KATNIP: variants seen among roughly 807,000 people sequenced by gnomAD.
KATNIP encodes katanin interacting protein, also known as katanin-interacting protein.
KATNIP carries 126 observed loss-of-function variants against 174.0 expected under a neutral mutation model. The observed-to-expected ratio is 0.72, with a 90% CI of 0.63 to 0.84. The LOEUF (loss-of-function observed/expected upper bound fraction) is 0.84, where lower values mean the gene tolerates loss of function less well. Ranked by LOEUF, KATNIP falls within the 40% of genes least tolerant of loss-of-function variation. The pLI is 0.00. For missense variants in KATNIP, 1,958 were observed against 2,109.7 expected, an observed-to-expected ratio of 0.93 and a Z score of 1.41; for synonymous variants, 810 against 835.7, an observed-to-expected ratio of 0.97 and a Z score of 0.53.
intron 2 of KATNIP, among the ~76,000 whole-genome samples, chr16:27,600,045 C>T (rs1261470798): frequency 6.6e-6 from 1 of 152,210 alleles, no homozygotes; most frequent in Non-Finnish European, 1.5e-5. Context: ...CCCCCGCCTC[C>T]CCCACCTTCC....
intron 15 of KATNIP, among the ~76,000 whole-genome samples, chr16:27,749,264 G>T (rs2081401219): frequency 6.6e-6 from 1 of 152,214 alleles, no homozygotes; most frequent in Non-Finnish European, 1.5e-5. Context: ...CCAGATTCTG[G>T]AATTGGGTGA....
chr16:27,710,023 G>A (rs1042351213), intron 13 of KATNIP, among the ~76,000 whole-genome samples: 19 of 152,108 alleles, frequency 1.2e-4, no homozygotes, highest in Non-Finnish European at 1.0e-4. Context: ...GCCCTAGGTC[G>A]TGAGGTGCAC....
At chr16:27,695,025 G>A (rs747873455) in intron 8 of KATNIP, among the ~76,000 whole-genome samples, 4 of 152,072 alleles carry the variant, frequency 2.6e-5, no homozygotes, top group African/African-American at 9.7e-5. Context: ...GCCATCACTC[G>A]TGGAGTCACC....
intron 6 of KATNIP, among the ~76,000 whole-genome samples, chr16:27,658,700 G>A (rs1459040328): frequency 6.6e-6 from 1 of 152,086 alleles, no homozygotes; most frequent in Non-Finnish European, 1.5e-5. Context: ...ACAGATGGAA[G>A]TACAGAAGCA....
At chr16:27,579,709 G>A (rs374223730) in intron 2 of KATNIP, among the ~76,000 whole-genome samples, 6 of 152,098 alleles carry the variant, frequency 3.9e-5, no homozygotes, top group South Asian at 2.1e-4. Context: ...CCATGATAAC[G>A]GAAGGCCGTT....
intron 7 of KATNIP, among the ~76,000 whole-genome samples, chr16:27,679,707 G>A (rs994256560): frequency 2.7e-5 from 4 of 149,226 alleles, no homozygotes; most frequent in Admixed American, 6.7e-5. Flanking sequence ...AGCCGTGATC[G>A]TGCCACTGCA....
intron 3 of KATNIP, among the ~76,000 whole-genome samples, chr16:27,623,895 G>A (rs2076261683): frequency 6.6e-6 from 1 of 152,166 alleles, no homozygotes; most frequent in African/African-American, 2.4e-5. Flanking sequence ...GGGCCCTTGT[G>A]TTCAAAGGGT....
intron 8 of KATNIP, among the ~76,000 whole-genome samples, chr16:27,688,798 G>A (rs1007876079): frequency 6.6e-6 from 1 of 152,180 alleles, no homozygotes; most frequent in South Asian, 2.1e-4. Context: ...GGCCCCCAGT[G>A]GCTCCAGGCT....
intron 2 of KATNIP, 107 bp downstream of exon 2, chr16:27,574,063 G>T: frequency 2.0e-6 from 2 of 982,130 alleles, no homozygotes. Context: ...TTCTCTTGGG[G>T]TCCCAAGCTT....
intron 5 of KATNIP, among the ~76,000 whole-genome samples, chr16:27,643,590 C>CA (rs562253355): frequency 0.16 from 6,443 of 40,458 alleles, 2,291 homozygotes; most frequent in East Asian, 0.65. Flanking sequence ...GACTCTGTCT[C>CA]AAAAAAAAAA....
At chr16:27,622,321 G>C (rs562519350) in intron 3 of KATNIP, among the ~76,000 whole-genome samples, 24 of 152,296 alleles carry the variant, frequency 1.6e-4, no homozygotes, top group Admixed American at 2.0e-4. Flanking sequence ...GGGGCAGGGA[G>C]TAGGGGGACA....
rs148440556 is a variant in KATNIP at position 27,740,061 on chromosome 16, G to A, written c.1764G>A (p.Lys588=). 2,859 of 1,612,408 alleles carry A rather than the reference G, an allele frequency of 1.8e-3. 5 individuals carry two copies. The highest frequency in any genetic ancestry group is 2.0e-3 in the Non-Finnish European group (2,385 of 1,178,764). The change falls in exon 15 of 28, where the codon AAG becomes AAA. Residue 588 remains lysine (K), a synonymous_variant. Transcript: ENST00000261588. ...TTCAGGATCTTGACATTGGTGCCAAGAACGTGAAGCTTTACGTCAACAGAA... is the reference window on the plus strand; with the variant it reads ...TTCAGGATCTTGACATTGGTGCCAAAAACGTGAAGCTTTACGTCAACAGAA... ...TADGDLDIGA[K]NVKLYVNRNL...
At chr16:27,624,047 A>G (rs966497301) in intron 3 of KATNIP, among the ~76,000 whole-genome samples, 1 of 152,164 alleles carries the variant, frequency 6.6e-6, no homozygotes, top group African/African-American at 2.4e-5. Context: ...GGACAAAAGG[A>G]TAGACTGGGT....
intron 6 of KATNIP, among the ~76,000 whole-genome samples, chr16:27,656,604 C>T (rs1456104635): frequency 6.6e-6 from 1 of 150,754 alleles, no homozygotes; most frequent in Admixed American, 6.6e-5. Context: ...GAATACTATG[C>T]AGCCATAAAA....
In KATNIP at chr16:27,776,757, C is replaced by T. The variant is rs2082512124; in HGVS notation, c.4450-171C>T. ...GCAAATGCAGCCACACGTGACCTGA[C>T]TCAAGATGGGCTTCGAGGAGATGAA... On this transcript the variant is annotated intron_variant, in intron 24 of 27. Coordinates refer to ENST00000261588, the MANE Select transcript of KATNIP (RefSeq NM_015202.5). The surrounding 1 kb of genome is among the most constrained non-coding windows in gnomAD (Gnocchi z 4.7). 4.8e-6 allele frequency: 3 copies of T among 619,176 alleles called. No individual in the cohort carries two copies. The highest frequency in any genetic ancestry group is 5.8e-6 in the Non-Finnish European group (2 of 344,118). The allele number at this position is 619,176 out of a possible 1,614,324, so 38.4% of individuals were successfully genotyped here. A position where few individuals can be genotyped will look rare whatever the true frequency, so the allele number is the denominator to read the frequency against.
chr16:27,711,008 G>C (rs1438729195), intron 13 of KATNIP, among the ~76,000 whole-genome samples: 1 of 152,164 alleles, frequency 6.6e-6, no homozygotes, highest in East Asian at 1.9e-4. Context: ...ATGGGAGATT[G>C]GGTCAATCAT....
At chr16:27,619,845 C>A (rs537608886) in intron 3 of KATNIP, among the ~76,000 whole-genome samples, 130 of 152,294 alleles carry the variant, frequency 8.5e-4, no homozygotes, top group African/African-American at 3.0e-3. Flanking sequence ...TCATCCCCCT[C>A]CATCCCCACA....
At chr16:27,648,841 C>G (rs2142338423) in intron 6 of KATNIP, 106 bp downstream of exon 6, 1 of 1,249,186 alleles carries the variant, frequency 8.0e-7, no homozygotes, top group Non-Finnish European at 1.1e-6. Context: ...TTCTGTCCTT[C>G]ACTCGCCGCT....
rs117224472 is a variant in KATNIP at position 27,731,942 on chromosome 16, C to T, written c.1744-8099C>T. Reference sequence around the variant, plus strand: ...GGCACAGCCCTGCCTTTCTATAGAGCGACCGTTGTCACTGGAGAGCCAGGC... The same window carrying T: ...GGCACAGCCCTGCCTTTCTATAGAGTGACCGTTGTCACTGGAGAGCCAGGC... On this transcript the variant is annotated intron_variant, in intron 14 of 27. Transcript: ENST00000261588. 9.9e-5 allele frequency among the ~76,000 whole-genome samples: 15 copies of T among 152,216 alleles called. No homozygotes were observed. The East Asian group carries it at 1.9e-3, about 20-fold the overall frequency.
Sources: gnomAD v4.1 joint callset for allele counts (sites outside exome capture counted in the v4.1 genomes callset) on GRCh38, gnomAD v4.1.1 for gene constraint, Gnocchi (gnomAD v3.1) non-coding constraint, MANE v1.5 for transcripts, NCBI Gene and HGNC (gene_info 2026-07-23, HGNC 2026-07-21) for gene names.